Variants in MALRD1 observed in about 807,000 individuals in gnomAD.
The protein encoded by MALRD1 is MAM and LDL receptor class A domain containing 1.
In MALRD1, 247 loss-of-function variants were observed where a neutral mutation model predicts 242.1. The ratio of observed to expected loss-of-function variants is 1.02; its 90% CI spans 0.92 to 1.13. MALRD1 has a LOEUF of 1.13. Ranked by LOEUF, MALRD1 falls within the 50% of genes most tolerant of loss-of-function variation. The pLI is 0.00. For missense variants in MALRD1, 2,989 were observed against 2,533.1 expected, an observed-to-expected ratio of 1.18 and a Z score of -3.86; for synonymous variants, 995 against 866.6, an observed-to-expected ratio of 1.15 and a Z score of -2.60.
rs183415208 is a variant in MALRD1, at chr10:19,534,692, G to A, written c.5478+3341G>A. ...ATAAATGATCATATCTGCTGTTGGT[G>A]TGGATGTAAAGAAACAGATATTCAT... On this transcript the variant is annotated intron_variant, in intron 32 of 39. Transcript: ENST00000454679. Among the ~76,000 whole-genome samples, 10 of 152,196 alleles carry A rather than the reference G, an allele frequency of 6.6e-5. No individual in the cohort carries two copies. In the East Asian group the frequency reaches 1.5e-3, roughly 24 times the overall value.
At chr10:19,590,089 T>C (rs1837686127) in intron 33 of MALRD1, among the ~76,000 whole-genome samples, 1 of 152,080 alleles carries the variant, frequency 6.6e-6, no homozygotes, top group African/African-American at 2.4e-5. Context: ...CAATGTGCTT[T>C]ATCAAGACAC....
At chr10:19,575,067 T>A (rs1192312761) in intron 33 of MALRD1, among the ~76,000 whole-genome samples, 2 of 152,168 alleles carry the variant, frequency 1.3e-5, no homozygotes, top group Non-Finnish European at 2.9e-5. Flanking sequence ...AAGAAAATAC[T>A]GCTATAATGA....
chr10:19,714,502 G>A (rs1834290122), intron 38 of MALRD1, among the ~76,000 whole-genome samples: 1 of 152,144 alleles, frequency 6.6e-6, no homozygotes, highest in South Asian at 2.1e-4. Context: ...CAGGATGGGG[G>A]CTTGACAGGC....
chr10:19,227,987 A>C (rs957111557), intron 18 of MALRD1, among the ~76,000 whole-genome samples: 3 of 152,172 alleles, frequency 2.0e-5, no homozygotes, highest in Non-Finnish European at 4.4e-5. Flanking sequence ...AAGAATTGCT[A>C]TTCACACCTG....
At chr10:19,265,881 A>C (rs1257545804) in intron 19 of MALRD1, among the ~76,000 whole-genome samples, 1 of 151,850 alleles carries the variant, frequency 6.6e-6, no homozygotes, top group Non-Finnish European at 1.5e-5. Context: ...AATATTTGCT[A>C]TACATTTGGG....
intron 13 of MALRD1, among the ~76,000 whole-genome samples, 167 bp downstream of exon 13, chr10:19,165,977 C>G (rs1405253529): frequency 1.3e-5 from 2 of 151,872 alleles, no homozygotes; most frequent in African/African-American, 4.8e-5. Flanking sequence ...TTTCAGATAA[C>G]AAAATAACAC....
intron 21 of MALRD1, among the ~76,000 whole-genome samples, chr10:19,308,931 A>C (rs1297090962): frequency 2.0e-5 from 3 of 151,606 alleles, no homozygotes; most frequent in Non-Finnish European, 4.4e-5. Flanking sequence ...ATGAGAGACT[A>C]ATATTATATT....
intron 5 of MALRD1, among the ~76,000 whole-genome samples, chr10:19,120,930 T>G (rs12255515): frequency 0.49 from 74,840 of 151,804 alleles, 20,302 homozygotes; most frequent in African/African-American, 0.72. Context: ...TTTTAGTAGA[T>G]ACGGAGTTTC....
chr10:19,218,739 G>A (rs1837432771), intron 18 of MALRD1, among the ~76,000 whole-genome samples: 1 of 152,066 alleles, frequency 6.6e-6, no homozygotes, highest in Non-Finnish European at 1.5e-5. Flanking sequence ...AGATTTCCGT[G>A]TTCTGAACAC....
In MALRD1 at chr10:19,531,329, C is replaced by T; in HGVS notation, c.5456C>T (p.Pro1819Leu). ...CGGTTCTGGTTCTACATGATTGATC[C>T]CAGGAGTATGGGAATATTAAAGGTA... is the stretch of plus-strand genomic sequence containing the variant. ...TVRFWFYMID[P>L]RSMGILKVYT... The change falls in exon 32 of 40, where the codon CCC (proline) becomes CTC (leucine). Residue 1819 changes from proline to leucine, a missense_variant. Pro to Leu is a moderately conservative substitution (Grantham distance 98). Coordinates refer to ENST00000454679, the MANE Select transcript of MALRD1 (RefSeq NM_001142308.3). 9 of 1,545,266 alleles carry T rather than the reference C, an allele frequency of 5.8e-6. No individual in the cohort carries two copies. The highest frequency in any genetic ancestry group is 1.4e-5 in the African/African-American group (1 of 72,956).
At chr10:19,674,739 C>T (rs1842065766) in intron 36 of MALRD1, among the ~76,000 whole-genome samples, 1 of 152,126 alleles carries the variant, frequency 6.6e-6, no homozygotes, top group African/African-American at 2.4e-5. Context: ...CTACACTCCA[C>T]AGCAAAAATT....
chr10:19,342,646 G>C (rs1843937337), intron 24 of MALRD1, among the ~76,000 whole-genome samples: 1 of 152,126 alleles, frequency 6.6e-6, no homozygotes, highest in East Asian at 1.9e-4. Context: ...TGTTTTCAGA[G>C]ATGTTATTAA....
intron 32 of MALRD1, among the ~76,000 whole-genome samples, chr10:19,541,888 T>C (rs1224618250): frequency 1.3e-5 from 2 of 152,072 alleles, no homozygotes; most frequent in Non-Finnish European, 2.9e-5. Context: ...ATATAAACCA[T>C]AGGATGGCAA....
At chr10:19,720,675 C>T (rs965779100) in intron 38 of MALRD1, among the ~76,000 whole-genome samples, 1 of 152,048 alleles carries the variant, frequency 6.6e-6, no homozygotes, top group Non-Finnish European at 1.5e-5. Context: ...CTTCCTACTT[C>T]GTATTTGTTT....
intron 29 of MALRD1, among the ~76,000 whole-genome samples, chr10:19,454,361 G>A (rs1187076879): frequency 7.2e-6 from 1 of 138,332 alleles, no homozygotes; most frequent in African/African-American, 2.7e-5. Context: ...CCAGGTTTGA[G>A]AATTGGTTGT....
intron 18 of MALRD1, among the ~76,000 whole-genome samples, chr10:19,251,777 T>G (rs964492895): frequency 2.0e-5 from 3 of 152,030 alleles, no homozygotes; most frequent in Non-Finnish European, 2.9e-5. Context: ...CTTGTTGATT[T>G]GTAATCCCCA....
At chr10:19,419,282 T>G (rs1450871726) in intron 28 of MALRD1, among the ~76,000 whole-genome samples, 1 of 152,068 alleles carries the variant, frequency 6.6e-6, no homozygotes, top group African/African-American at 2.4e-5. Context: ...TTTCTTTCTT[T>G]CTTTGTTTTG....
In MALRD1 at chr10:19,165,641, A is replaced by G. The variant is rs761445312; in HGVS notation, c.1661A>G (p.Gln554Arg). 7.5e-5 allele frequency: 92 copies of G among 1,231,202 alleles called. No homozygotes were observed. The highest frequency in any genetic ancestry group is 9.2e-5 in the Non-Finnish European group (91 of 987,614). The allele number at this position is 1,231,202 out of a possible 1,614,324, so 76.3% of individuals were successfully genotyped here. ...TTGAAAACATGTTTTCAACAGGTGC[A>G]GTTTTGGTATCATTTGTCTCAACAT... is the stretch of plus-strand genomic sequence containing the variant. Reference protein sequence around the residue: ...LLTASTPCQVQFWYHLSQHSN... With the variant: ...LLTASTPCQVRFWYHLSQHSN... Residue 554 changes from glutamine (Q) to arginine (R), a missense_variant, in exon 13 of 40, where the codon CAG becomes CGG. Gln to Arg is a conservative substitution (Grantham distance 43, BLOSUM62 1). Transcript: ENST00000454679.
chr10:19,080,013 T>C (rs147137885), intron 2 of MALRD1, among the ~76,000 whole-genome samples: 2 of 152,140 alleles, frequency 1.3e-5, no homozygotes, highest in East Asian at 3.9e-4. Flanking sequence ...GAACTTCCAT[T>C]CACAGTTGCT....
Sources: gnomAD v4.1 joint callset for allele counts (sites outside exome capture counted in the v4.1 genomes callset) on GRCh38, gnomAD v4.1.1 for gene constraint, MANE v1.5 for transcripts, NCBI Gene and HGNC (gene_info 2026-07-23, HGNC 2026-07-21) for gene names.